The following PHF5A variants were observed in gnomAD, a reference collection of about 807,000 sequenced individuals.
The protein encoded by PHF5A is PHD finger protein 5A.
For synonymous variants in PHF5A, 52 were observed against 46.0 expected (o/e 1.13, Z -0.52); for missense variants, 24 against 140.6 (o/e 0.17, Z 4.19).
rs530181015 is a variant in PHF5A, at chr22:41,468,590, G to T, written c.52+12C>A. Reference sequence around the variant, plus strand: ...CCCTGCCCAGACAGCCAGGGGTAGGGCGCAGTCTCACCAACACCAGCCTGC... The same window carrying T: ...CCCTGCCCAGACAGCCAGGGGTAGGTCGCAGTCTCACCAACACCAGCCTGC... On this transcript the variant is annotated intron_variant, in intron 1 of 3. Transcript: ENST00000216252. 5 of 1,613,980 alleles carry T rather than the reference G, an allele frequency of 3.1e-6. No homozygotes were observed. The South Asian group carries it at 5.5e-5, about 18-fold the overall frequency.
intron 3 of PHF5A, among the ~76,000 whole-genome samples, chr22:41,465,717 T>C (rs567096444): frequency 6.1e-4 from 92 of 151,846 alleles, no homozygotes; most frequent in Non-Finnish European, 1.0e-3. Context: ...CCATCTCTAC[T>C]AAAAATACAA....
intron 1 of PHF5A, 150 bp downstream of exon 1, chr22:41,468,452 A>C: frequency 2.4e-6 from 2 of 842,836 alleles, no homozygotes; most frequent in Non-Finnish European, 3.7e-6. Context: ...AGAGGCCACA[A>C]ACCTGCGCGC....
chr22:41,464,159 G>A (rs1252073391), intron 3 of PHF5A, among the ~76,000 whole-genome samples: 2 of 152,212 alleles, frequency 1.3e-5, no homozygotes, highest in Admixed American at 6.5e-5. Flanking sequence ...TCAAGATTAA[G>A]GGGATTACAT....
chr22:41,461,225 T>C (rs1409866861), intron 3 of PHF5A, among the ~76,000 whole-genome samples: 2 of 152,044 alleles, frequency 1.3e-5, no homozygotes, highest in Admixed American at 1.3e-4. Flanking sequence ...GGTTTAGCCA[T>C]TTATCTTACC....
chr22:41,462,284 T>C (rs550204161), intron 3 of PHF5A, among the ~76,000 whole-genome samples: 12 of 152,330 alleles, frequency 7.9e-5, no homozygotes, highest in African/African-American at 2.9e-4. Flanking sequence ...TGTCAGAGTT[T>C]GAGTCCTGTG....
chr22:41,466,268 C>T (rs1296841072), intron 3 of PHF5A, among the ~76,000 whole-genome samples: 3 of 152,162 alleles, frequency 2.0e-5, no homozygotes, highest in Admixed American at 6.5e-5. Context: ...TAAATCTTGC[C>T]TGTAGCACTA....
At chr22:41,468,550 A>C in intron 1 of PHF5A, 52 bp downstream of exon 1, 1 of 1,594,100 alleles carries the variant, frequency 6.3e-7, no homozygotes, top group Non-Finnish European at 8.6e-7. Context: ...CCGACCCCCC[A>C]GCTCCTAATA....
intron 1 of PHF5A, 64 bp from the exon 2 acceptor site, chr22:41,468,211 CA>C: frequency 6.4e-7 from 1 of 1,551,692 alleles, no homozygotes; most frequent in Non-Finnish European, 8.9e-7. Context: ...AGGAGAAGTA[CA>C]TCCTCGAGCT....
Position 41,463,724 on chromosome 22 carries a change from C to CAAAAAAA in PHF5A, c.244-3244_244-3238dup, listed in dbSNP as rs11387908. Among the ~76,000 whole-genome samples, 16 of 59,050 alleles carry CAAAAAAA rather than the reference C, an allele frequency of 2.7e-4. 1 individual carries two copies. The highest frequency in any genetic ancestry group is 9.6e-4 in the African/African-American group (13 of 13,486). 38.7% of individuals were successfully genotyped at this position (59,050 alleles called of 152,430 possible). On this transcript the variant is annotated intron_variant, in intron 3 of 3. Transcript: ENST00000216252. ...TGGGAGACACAGTAAGACTCTGTCTCAAAAAAAAAAAAAAAAAAAAAAAGC... is the reference window on the plus strand; with the variant it reads ...TGGGAGACACAGTAAGACTCTGTCTCAAAAAAAAAAAAAAAAAAAAAAAAAAAAAAGC...
chr22:41,460,777 A>G (rs564779274), intron 3 of PHF5A, among the ~76,000 whole-genome samples: 11 of 152,156 alleles, frequency 7.2e-5, no homozygotes, highest in Non-Finnish European at 1.2e-4. Context: ...TATTTGAAGA[A>G]CTCAATAAAT....
chr22:41,468,263 T>C, intron 1 of PHF5A, 116 bp from the exon 2 acceptor site: 2 of 912,344 alleles, frequency 2.2e-6, no homozygotes, highest in Non-Finnish European at 3.4e-6. Flanking sequence ...GAGTGAGACC[T>C]GCGGATAGCC....
chr22:41,463,696 T>C (rs1314308746), intron 3 of PHF5A, among the ~76,000 whole-genome samples: 1 of 117,058 alleles, frequency 8.5e-6, no homozygotes, highest in Non-Finnish European at 1.6e-5. Flanking sequence ...CTGCACTCCA[T>C]CCTGGGAGAC....
At chr22:41,461,924 G>C (rs1410841255) in intron 3 of PHF5A, among the ~76,000 whole-genome samples, 1 of 152,196 alleles carries the variant, frequency 6.6e-6, no homozygotes, top group African/African-American at 2.4e-5. Context: ...GCCTCCTAAA[G>C]TGATGGGATT....
In PHF5A at chr22:41,460,500, A is replaced by G. The variant is rs774371200; in HGVS notation, c.244-13T>C. On this transcript the variant is annotated splice_polypyrimidine_tract_variant and intron_variant, in intron 3 of 3. Coordinates refer to ENST00000216252, the MANE Select transcript of PHF5A (RefSeq NM_032758.4). Reference sequence around the variant, plus strand: ...GGCAGCCATCTCTCTGGAAAACAGAACAGAGAAGTTGTTAAGTCTTTGAGC... The same window carrying G: ...GGCAGCCATCTCTCTGGAAAACAGAGCAGAGAAGTTGTTAAGTCTTTGAGC... 8 of 1,584,672 alleles carry G rather than the reference A, an allele frequency of 5.0e-6. No homozygotes were observed. The highest frequency in any genetic ancestry group is 6.9e-6 in the Non-Finnish European group (8 of 1,158,956).
chr22:41,467,242 T>G (rs1347510008), intron 3 of PHF5A, among the ~76,000 whole-genome samples: 1 of 151,946 alleles, frequency 6.6e-6, no homozygotes, highest in Non-Finnish European at 1.5e-5. Flanking sequence ...TTGACAAAGA[T>G]TTGCTTCCCT....
chr22:41,468,428 G>A (rs1979101918), intron 1 of PHF5A, 174 bp downstream of exon 1: 1 of 659,872 alleles, frequency 1.5e-6, no homozygotes, highest in South Asian at 2.1e-5. Flanking sequence ...GCGCACCCCC[G>A]CCCTCTTCTC....
chr22:41,467,420 A>C (rs921388665), intron 3 of PHF5A, 28 bp downstream of exon 3: 4 of 1,609,572 alleles, frequency 2.5e-6, no homozygotes, highest in Non-Finnish European at 3.4e-6. Context: ...AAAAGGAGGA[A>C]AGGTCAGATG....
intron 3 of PHF5A, among the ~76,000 whole-genome samples, chr22:41,464,711 C>T (rs1414834660): frequency 6.6e-6 from 1 of 152,198 alleles, no homozygotes; most frequent in Non-Finnish European, 1.5e-5. Flanking sequence ...TGCAAAAATT[C>T]AAGAAAATGC....
chr22:41,466,253 T>TG (rs1360002941), intron 3 of PHF5A, among the ~76,000 whole-genome samples: 1 of 152,046 alleles, frequency 6.6e-6, no homozygotes, highest in African/African-American at 2.4e-5. Flanking sequence ...CCGAAAAAAA[T>TG]GGGGTAAATC....
Sources: allele counts gnomAD v4.1 joint callset (sites outside exome capture counted in the v4.1 genomes callset), GRCh38; gene constraint gnomAD v4.1.1; transcripts MANE v1.5; gene names NCBI Gene and HGNC (gene_info 2026-07-23, HGNC 2026-07-21).